The following WIF1 variants were observed in gnomAD, a reference collection of about 807,000 sequenced individuals.
WIF1 encodes the protein Wnt inhibitory factor 1.
Under a neutral mutation model 53.5 loss-of-function variants are expected in WIF1, and 35 were observed. The observed-to-expected ratio is 0.65, with a 90% CI of 0.50 to 0.87. The LOEUF (loss-of-function observed/expected upper bound fraction) is 0.87, where lower values mean the gene tolerates loss of function less well. WIF1 is among the 40% of genes least tolerant of loss of function. The pLI, the probability that WIF1 is intolerant of heterozygous loss-of-function variation, is 0.00. For missense variants in WIF1, 467 were observed against 476.8 expected (o/e 0.98, Z 0.19); for synonymous variants, 171 against 170.4 (o/e 1.00, Z -0.03).
intron 2 of WIF1, among the ~76,000 whole-genome samples, chr12:65,112,653 CT>C (rs1883451619): frequency 6.6e-6 from 1 of 152,198 alleles, no homozygotes; most frequent in Non-Finnish European, 1.5e-5. Flanking sequence ...TCTTCTACTT[CT>C]TTTCCCCCAG....
Position 65,067,754 on chromosome 12 carries a change from C to A in WIF1, c.575G>T (p.Cys192Phe). The A allele has an allele frequency of 6.2e-7, 1 of 1,613,374 alleles. No homozygotes were observed. Residue 192 changes from cysteine (C) to phenylalanine (F), a missense_variant, in exon 5 of 10, where the codon TGT becomes TTT. By Grantham distance (205) the Cys-to-Phe change is radical. Coordinates refer to ENST00000286574, the MANE Select transcript of WIF1 (RefSeq NM_007191.5). ...CPGGCRNGGF[C>F]NERRICECPD... ...ACACTCGCAGATGCGTCTTTCATTA[C>A]AAAAGCCTCCATTTCGGCACCCGCC...
intron 4 of WIF1, among the ~76,000 whole-genome samples, chr12:65,068,287 C>T (rs757908588): frequency 6.6e-6 from 1 of 151,966 alleles, no homozygotes; most frequent in Non-Finnish European, 1.5e-5. Context: ...GAGGCCTTGA[C>T]CTGGTAGGGA....
chr12:65,071,231 C>CAAAAAAAAAAAAAA (rs67928556), intron 3 of WIF1, among the ~76,000 whole-genome samples: 3 of 71,150 alleles, frequency 4.2e-5, no homozygotes, highest in African/African-American at 5.6e-5. Flanking sequence ...AAGACTCCAT[C>CAAAAAAAAAAAAAA]AAAAAAAAAA....
chr12:65,091,322 TTA>T (rs922213327), intron 2 of WIF1, among the ~76,000 whole-genome samples: 3 of 147,700 alleles, frequency 2.0e-5, no homozygotes, highest in East Asian at 1.9e-4. Context: ...ATTTTATATA[TTA>T]TATATATATA....
intron 2 of WIF1, among the ~76,000 whole-genome samples, chr12:65,116,932 C>CAAAAAA (rs35417909): frequency 2.6e-4 from 17 of 64,754 alleles, no homozygotes; most frequent in Non-Finnish European, 5.1e-4. Flanking sequence ...GACTCTGTCT[C>CAAAAAA]AAAAAAAAAA....
At chr12:65,100,686 G>A (rs895075271) in intron 2 of WIF1, among the ~76,000 whole-genome samples, 9 of 152,016 alleles carry the variant, frequency 5.9e-5, no homozygotes, top group African/African-American at 2.2e-4. Flanking sequence ...ACTTGTAATA[G>A]TAAATATATA....
At chr12:65,106,175 TG>T (rs904220736) in intron 2 of WIF1, among the ~76,000 whole-genome samples, 41 of 152,110 alleles carry the variant, frequency 2.7e-4, no homozygotes, top group Admixed American at 1.4e-3. Context: ...TGAAACAGAA[TG>T]CCTGCATGAG....
chr12:65,068,710 A>G, intron 4 of WIF1, 54 bp downstream of exon 4: 3 of 1,584,504 alleles, frequency 1.9e-6, no homozygotes, highest in Non-Finnish European at 2.6e-6. Flanking sequence ...TTTGGTCCAA[A>G]TCACACCTAA....
intron 2 of WIF1, among the ~76,000 whole-genome samples, chr12:65,090,969 G>A (rs911237114): frequency 6.6e-6 from 1 of 152,120 alleles, no homozygotes; most frequent in Admixed American, 6.6e-5. Flanking sequence ...TCTCTGTAAT[G>A]CATTGTGGGT....
chr12:65,062,256 G>T (rs1049034976), intron 7 of WIF1, among the ~76,000 whole-genome samples: 2 of 152,170 alleles, frequency 1.3e-5, no homozygotes, highest in Non-Finnish European at 2.9e-5. Context: ...CCGAGTCAGA[G>T]AGCATTTCTT....
chr12:65,093,663 A>G (rs1883158730), intron 2 of WIF1, among the ~76,000 whole-genome samples: 1 of 152,188 alleles, frequency 6.6e-6, no homozygotes, highest in Admixed American at 6.6e-5. Context: ...ATTCATTAAA[A>G]AAATACATAC....
chr12:65,091,852 T>A (rs918276914), intron 2 of WIF1, among the ~76,000 whole-genome samples: 5 of 152,214 alleles, frequency 3.3e-5, no homozygotes, highest in Non-Finnish European at 5.9e-5. Flanking sequence ...AGTAAATATT[T>A]ACTGAGTAGT....
intron 4 of WIF1, 141 bp downstream of exon 4, chr12:65,068,623 G>C: frequency 8.9e-7 from 1 of 1,125,844 alleles, no homozygotes. Flanking sequence ...CGTTGCTGTA[G>C]TTATAGAGCC....
intron 2 of WIF1, among the ~76,000 whole-genome samples, chr12:65,098,515 C>T (rs918380324): frequency 6.6e-6 from 1 of 152,152 alleles, no homozygotes. Flanking sequence ...CCACACCAAC[C>T]ACTTCCGTTT....
intron 2 of WIF1, among the ~76,000 whole-genome samples, chr12:65,080,602 A>G (rs1882931268): frequency 1.3e-5 from 2 of 152,202 alleles, no homozygotes; most frequent in South Asian, 4.1e-4. Context: ...ACTGTTCTAA[A>G]ACGTATTTTA....
intron 9 of WIF1, 78 bp from the exon 10 acceptor site, chr12:65,051,548 G>A: frequency 7.0e-7 from 1 of 1,430,884 alleles, no homozygotes; most frequent in Non-Finnish European, 9.2e-7. Context: ...CCATTCAAAT[G>A]AAATCCATTT....
intron 2 of WIF1, among the ~76,000 whole-genome samples, chr12:65,120,089 T>C (rs1332531169): frequency 1.3e-5 from 2 of 152,042 alleles, no homozygotes; most frequent in Non-Finnish European, 2.9e-5. Context: ...GCAAAAAGAG[T>C]CCTTTAAGTA....
At chr12:65,099,713 C>A (rs957835543) in intron 2 of WIF1, among the ~76,000 whole-genome samples, 2 of 152,150 alleles carry the variant, frequency 1.3e-5, no homozygotes, top group African/African-American at 4.8e-5. Flanking sequence ...GCTCTGGGAG[C>A]GCTGATTAGC....
chr12:65,069,581 A>G (rs1223233600), intron 3 of WIF1, among the ~76,000 whole-genome samples: 2 of 152,152 alleles, frequency 1.3e-5, no homozygotes, highest in East Asian at 3.8e-4. Context: ...AGAGAGTTTG[A>G]TGTGATGAAA....
Sources: gnomAD v4.1 joint callset for allele counts (sites outside exome capture counted in the v4.1 genomes callset) on GRCh38, gnomAD v4.1.1 for gene constraint, MANE v1.5 for transcripts, NCBI Gene and HGNC (gene_info 2026-07-23, HGNC 2026-07-21) for gene names.